Variants in TPO observed in about 807,000 individuals in gnomAD.
The protein encoded by TPO is thyroid microsomal antigen.
A neutral mutation model predicts 96.9 loss-of-function variants in TPO; 78 were observed. The observed-to-expected ratio is 0.81, with a 90% CI of 0.67 to 0.97. The LOEUF (loss-of-function observed/expected upper bound fraction) is 0.97, where lower values mean the gene tolerates loss of function less well. Among genes scored for constraint, TPO ranks in the 50% least tolerant of loss-of-function variants. The pLI, the probability that TPO is intolerant of heterozygous loss-of-function variation, is 0.00. For synonymous variants in TPO, 547 were observed against 538.0 expected, an observed-to-expected ratio of 1.02 and a Z score of -0.23; for missense variants, 1,252 against 1,274.8, an observed-to-expected ratio of 0.98 and a Z score of 0.27.
intron 1 of TPO, among the ~76,000 whole-genome samples, chr2:1,383,443 T>C (rs1661840451): frequency 6.6e-6 from 1 of 152,224 alleles, no homozygotes; most frequent in South Asian, 2.1e-4. Context: ...TGATATCTCA[T>C]TGTGGTTTTG....
chr2:1,419,252 G>A (rs1228401114), intron 2 of TPO, among the ~76,000 whole-genome samples: 1 of 152,126 alleles, frequency 6.6e-6, no homozygotes, highest in Non-Finnish European at 1.5e-5. Flanking sequence ...CTAGAACTCA[G>A]TGTTCAGTTC....
Position 1,453,707 on chromosome 2 carries a change from TG to T in TPO, c.500del (p.Gly167AlafsTer42). 1 of 1,613,942 alleles carries T rather than the reference TG, an allele frequency of 6.2e-7. No homozygotes were observed. The highest frequency in any genetic ancestry group is 8.5e-7 in the Non-Finnish European group (1 of 1,180,032). ...GACNNRDHPR[W>X]GASNTALARW... ...TTGTCTCCACAGAGACCACCCCAGA[TG>T]GGGCGCCTCCAACACGGCCCTGGCA... On this transcript the variant is annotated frameshift_variant, in exon 6 of 17. Coordinates refer to ENST00000329066, the MANE Select transcript of TPO (RefSeq NM_001206744.2). LOFTEE classifies it high-confidence loss of function.
At chr2:1,405,998 T>C (rs928376001) in intron 1 of TPO, among the ~76,000 whole-genome samples, 9 of 152,360 alleles carry the variant, frequency 5.9e-5, no homozygotes, top group Admixed American at 4.6e-4. Flanking sequence ...TGTAATTTGG[T>C]CAAAACAACA....
chr2:1,503,173 G>T (rs375405128), intron 13 of TPO, among the ~76,000 whole-genome samples: 1 of 152,168 alleles, frequency 6.6e-6, no homozygotes, highest in African/African-American at 2.4e-5. Context: ...CAGCACCAGG[G>T]CCCCAGGAGT....
intron 4 of TPO, among the ~76,000 whole-genome samples, chr2:1,433,898 G>T (rs1170779446): frequency 6.6e-6 from 1 of 152,078 alleles, no homozygotes; most frequent in Non-Finnish European, 1.5e-5. Context: ...AATAATTTAG[G>T]AATTTTCCCA....
At chr2:1,494,157 G>T in intron 11 of TPO, 118 bp downstream of exon 11, 1 of 1,049,464 alleles carries the variant, frequency 9.5e-7, no homozygotes, top group Admixed American at 1.7e-5. Context: ...CAACTCTTAC[G>T]TAAGCCTGGT....
rs564954080 is a variant in TPO at position 1,376,915 on chromosome 2, G to T, written n.180+2513G>T. ...CCAAGGGCACTGGCAGGATAACAAT[G>T]ATATTAAAAACCAGTGAAGACAGCT... On this transcript the variant is annotated intron_variant and non_coding_transcript_variant, in intron 1 of 5. Coordinates refer to the TPO transcript ENST00000497517. 5.3e-5 allele frequency among the ~76,000 whole-genome samples: 8 copies of T among 152,226 alleles called. No homozygotes were observed. In the South Asian group the frequency reaches 6.2e-4, roughly 12 times the overall value.
At chr2:1,421,312 C>G (rs186819370) in intron 2 of TPO, among the ~76,000 whole-genome samples, 22 of 152,372 alleles carry the variant, frequency 1.4e-4, no homozygotes, top group African/African-American at 4.6e-4. Context: ...GTGCAAACTT[C>G]TCTCTTCAGA....
At chr2:1,522,620 C>A (rs913323545) in intron 15 of TPO, among the ~76,000 whole-genome samples, 1 of 152,116 alleles carries the variant, frequency 6.6e-6, no homozygotes, top group African/African-American at 2.4e-5. Flanking sequence ...AAGCCTCAAT[C>A]TCTCCATAGA....
At chr2:1,422,390 C>CGT (rs1663824396) in intron 2 of TPO, among the ~76,000 whole-genome samples, 1 of 150,668 alleles carries the variant, frequency 6.6e-6, no homozygotes, top group Non-Finnish European at 1.5e-5. Context: ...GCAGGCGCCG[C>CGT]GCTGGGCCAT....
chr2:1,484,857 G>A lies in TPO; in HGVS notation c.1597+3G>A, dbSNP rs773370921. ...CCCATGGACATTACTCCGTGGAGGT[G>A]AGTGAGTGCGGTCCCTGCAGCTGGT... On this transcript the variant is annotated splice_donor_region_variant and intron_variant, in intron 9 of 16. Coordinates refer to ENST00000329066, the MANE Select transcript of TPO (RefSeq NM_001206744.2). 2.5e-6 allele frequency: 4 copies of A among 1,613,556 alleles called. No individual in the cohort carries two copies. The highest frequency in any genetic ancestry group is 1.1e-5 in the South Asian group (1 of 91,076).
chr2:1,387,249 TG>T (rs1262272487), intron 1 of TPO, among the ~76,000 whole-genome samples: 1 of 152,206 alleles, frequency 6.6e-6, no homozygotes, highest in Non-Finnish European at 1.5e-5. Flanking sequence ...CTAATTTGAA[TG>T]TTGGCCTGCC....
intron 15 of TPO, 123 bp from the exon 16 acceptor site, chr2:1,540,471 G>T: frequency 6.3e-7 from 1 of 1,592,352 alleles, no homozygotes; most frequent in Non-Finnish European, 8.5e-7. Context: ...AAATGAAAGT[G>T]GGTTGGAGTG....
chr2:1,485,364 A>G (rs1671058037), intron 9 of TPO, among the ~76,000 whole-genome samples: 2 of 152,184 alleles, frequency 1.3e-5, no homozygotes, highest in South Asian at 4.1e-4. Flanking sequence ...TGCAATAAAC[A>G]TACGTGTGCA....
chr2:1,489,086 C>T (rs1484552510), intron 10 of TPO, among the ~76,000 whole-genome samples: 3 of 151,888 alleles, frequency 2.0e-5, no homozygotes, highest in African/African-American at 7.3e-5. Context: ...CAGCACATAC[C>T]TGCACATGCC....
At chr2:1,488,141 CA>C in intron 10 of TPO, 150 bp downstream of exon 10, 20 of 1,157,192 alleles carry the variant, frequency 1.7e-5, no homozygotes, top group Non-Finnish European at 2.5e-5. Flanking sequence ...CCAGTTCATT[CA>C]GCTAAAGTGG....
Position 1,378,763 on chromosome 2 carries a change from G to C in TPO, n.180+4361G>C, listed in dbSNP as rs1033933906. Reference sequence around the variant, plus strand: ...CCGGCAGATGCTGTGTGCACCTGGCGGGGGGTTCGTGCCTGAGCTGCTGTA... The same window carrying C: ...CCGGCAGATGCTGTGTGCACCTGGCCGGGGGTTCGTGCCTGAGCTGCTGTA... On this transcript the variant is annotated intron_variant and non_coding_transcript_variant, in intron 1 of 5. Transcript: ENST00000497517. Among the ~76,000 whole-genome samples, 8 of 152,168 alleles carry C rather than the reference G, an allele frequency of 5.3e-5. No individual in the cohort carries two copies. In the East Asian group the frequency reaches 1.3e-3, roughly 26 times the overall value.
At chr2:1,489,203 A>AGCACATACCCATCACATGCCCT (rs2124874133) in intron 10 of TPO, among the ~76,000 whole-genome samples, 1 of 141,952 alleles carries the variant, frequency 7.0e-6, no homozygotes, top group African/African-American at 2.7e-5. Flanking sequence ...TCACATGCCC[A>AGCACATACCCATCACATGCCCT]GCACATGCCC....
chr2:1,435,844 A>G (rs894836429), intron 4 of TPO, among the ~76,000 whole-genome samples: 3 of 152,138 alleles, frequency 2.0e-5, no homozygotes, highest in Admixed American at 1.3e-4. Flanking sequence ...TCTACTCCTC[A>G]CTGTCTTCTA....
Sources: gnomAD v4.1 joint callset for allele counts (sites outside exome capture counted in the v4.1 genomes callset) on GRCh38, gnomAD v4.1.1 for gene constraint, MANE v1.5 for transcripts, NCBI Gene and HGNC (gene_info 2026-07-23, HGNC 2026-07-21) for gene names.